Variants in EEIG2 observed in about 807,000 individuals in gnomAD.
EEIG2 encodes family with sequence similarity 102 member B.
At chr1:108,627,935 T>G in the EEIG2 span, 9 of 508,000 alleles carry the variant, frequency 1.8e-5, no homozygotes, top group South Asian at 2.8e-4. Context: ...CTGAAATAAT[T>G]TTTTAATGTT....
chr1:108,570,167 G>A, the EEIG2 span, among the ~76,000 whole-genome samples: 6 of 152,216 alleles, frequency 3.9e-5, no homozygotes, highest in Non-Finnish European at 7.3e-5. Flanking sequence ...GGTGAGGTCA[G>A]GGGAAGTGTC....
At chr1:108,601,378 A>G in the EEIG2 span, among the ~76,000 whole-genome samples, 1 of 152,028 alleles carries the variant, frequency 6.6e-6, no homozygotes, top group Non-Finnish European at 1.5e-5. Context: ...GAATGAAAGC[A>G]AGAGTCTCTG....
chr1:108,633,641 A>G, the EEIG2 span, among the ~76,000 whole-genome samples: 1 of 152,178 alleles, frequency 6.6e-6, no homozygotes, highest in Non-Finnish European at 1.5e-5. Context: ...TGTCTTTTAT[A>G]TCTGGCTGCT....
the EEIG2 span, among the ~76,000 whole-genome samples, chr1:108,609,044 C>A: frequency 6.6e-6 from 1 of 152,228 alleles, no homozygotes; most frequent in African/African-American, 2.4e-5. Context: ...CCTAATACCA[C>A]CCTTTTGGGG....
chr1:108,587,396 T>TG, the EEIG2 span, among the ~76,000 whole-genome samples: 2 of 152,170 alleles, frequency 1.3e-5, no homozygotes, highest in Non-Finnish European at 2.9e-5. Context: ...TTGTTACAGT[T>TG]GATGAACCTT....
At chr1:108,594,817 AT>A in the EEIG2 span, among the ~76,000 whole-genome samples, 1 of 152,008 alleles carries the variant, frequency 6.6e-6, no homozygotes. Context: ...CTCTATCTCT[AT>A]TTTACACTGT....
the EEIG2 span, among the ~76,000 whole-genome samples, chr1:108,565,266 T>C: frequency 1.3e-5 from 2 of 152,226 alleles, no homozygotes; most frequent in Admixed American, 1.3e-4. Context: ...GATTTCATCA[T>C]TGTGCAAAAG....
At chr1:108,599,070 T>G in the EEIG2 span, among the ~76,000 whole-genome samples, 2 of 151,694 alleles carry the variant, frequency 1.3e-5, no homozygotes, top group Non-Finnish European at 2.9e-5. Context: ...GAGGCTGAGG[T>G]GGGAAGATCT....
the EEIG2 span, chr1:108,625,211 T>A: frequency 6.5e-6 from 1 of 153,622 alleles, no homozygotes; most frequent in African/African-American, 2.4e-5. Context: ...AGATCTGGGT[T>A]AGAGCCTGAA....
At chr1:108,616,554 C>A in the EEIG2 span, 1 of 636,772 alleles carries the variant, frequency 1.6e-6, no homozygotes, top group South Asian at 2.0e-5. Flanking sequence ...AGTTTCTTCC[C>A]TGGGAGACTG....
the EEIG2 span, among the ~76,000 whole-genome samples, chr1:108,567,283 A>C: frequency 6.6e-6 from 1 of 152,352 alleles, no homozygotes; most frequent in East Asian, 1.9e-4. Context: ...CCAGTGCGTC[A>C]GGAACTTTTC....
chr1:108,563,815 A>G, the EEIG2 span, among the ~76,000 whole-genome samples: 1 of 152,244 alleles, frequency 6.6e-6, no homozygotes, highest in Non-Finnish European at 1.5e-5. Flanking sequence ...GCTTGACAGT[A>G]GAAGACAGTG....
the EEIG2 span, among the ~76,000 whole-genome samples, chr1:108,585,223 T>C: frequency 1.3e-5 from 2 of 152,148 alleles, no homozygotes; most frequent in South Asian, 2.1e-4. Flanking sequence ...TATTACCAAC[T>C]GGTAGTAAGT....
chr1:108,635,378 C>G, the EEIG2 span: 1 of 511,054 alleles, frequency 2.0e-6, no homozygotes, highest in Non-Finnish European at 3.5e-6. Flanking sequence ...TTGGAAGCAC[C>G]TGGCTTCTGT....
At chr1:108,563,656 T>A in the EEIG2 span, among the ~76,000 whole-genome samples, 1 of 152,180 alleles carries the variant, frequency 6.6e-6, no homozygotes, top group Non-Finnish European at 1.5e-5. Context: ...CAACTAAACA[T>A]GCAGATCATT....
the EEIG2 span, among the ~76,000 whole-genome samples, chr1:108,588,503 CT>C: frequency 3.9e-5 from 6 of 151,958 alleles, no homozygotes; most frequent in Admixed American, 6.6e-5. Flanking sequence ...TGTATGTCTT[CT>C]TTTTTTATTG....
chr1:108,580,186 G>A, the EEIG2 span, among the ~76,000 whole-genome samples: 1 of 152,090 alleles, frequency 6.6e-6, no homozygotes, highest in South Asian at 2.1e-4. Context: ...TGTAATTAGT[G>A]ATCTTTGATG....
the EEIG2 span, chr1:108,625,083 T>C: frequency 5.4e-3 from 1,101 of 203,150 alleles, 8 homozygotes; most frequent in Non-Finnish European, 8.6e-3. Flanking sequence ...TCGCTCCTCT[T>C]CCATGAATCG....
the EEIG2 span, chr1:108,626,567 T>C: frequency 6.6e-6 from 1 of 152,222 alleles, no homozygotes; most frequent in Non-Finnish European, 1.5e-5. Context: ...CCCTCTCAGC[T>C]GGATTATTAT....
Sources: allele counts gnomAD v4.1 joint callset (sites outside exome capture counted in the v4.1 genomes callset), GRCh38; gene constraint gnomAD v4.1.1; transcripts MANE v1.5; gene names NCBI Gene and HGNC (gene_info 2026-07-23, HGNC 2026-07-21).